The following EFCAB5 variants were observed in gnomAD, a reference collection of about 807,000 sequenced individuals.
EFCAB5 encodes the protein EF-hand calcium binding domain 5.
A neutral mutation model predicts 167.9 loss-of-function variants in EFCAB5; 131 were observed. The ratio of observed to expected loss-of-function variants is 0.78; its 90% confidence interval spans 0.68 to 0.90. EFCAB5 has a LOEUF of 0.90. Among genes scored for constraint, EFCAB5 ranks in the 40% least tolerant of loss-of-function variants. EFCAB5 has a pLI of 0.00. For missense variants in EFCAB5, 1,663 were observed against 1,745.2 expected, an observed-to-expected ratio of 0.95 and a Z score of 0.84; for synonymous variants, 574 against 602.8, an observed-to-expected ratio of 0.95 and a Z score of 0.70.
Position 30,053,927 on chromosome 17 carries a change from A to G in EFCAB5, c.1973A>G (p.Glu658Gly), listed in dbSNP as rs2070179920. The G allele has an allele frequency of 6.2e-7, 1 of 1,614,048 alleles. No individual in the cohort carries two copies. The highest frequency in any genetic ancestry group is 2.2e-5 in the East Asian group (1 of 44,890). Residue 658 changes from glutamate (E) to glycine (G), a missense_variant, in exon 10 of 23, where the codon GAG becomes GGG. By Grantham distance (98) the Glu-to-Gly change is moderately conservative. Transcript: ENST00000394835. ...AAATCAGAACAAGGACCTTATGGAG[A>G]GATAATTTCAGAAGAGCAAGAAGAC... ...YQKSEQGPYG[E>G]IISEEQEDIG...
intron 7 of EFCAB5, among the ~76,000 whole-genome samples, chr17:30,006,512 C>T (rs1037278702): frequency 6.6e-6 from 1 of 152,050 alleles, no homozygotes; most frequent in African/African-American, 2.4e-5. Context: ...GCTAGCAAAG[C>T]ATATCACTAT....
At chr17:30,064,703 C>T (rs2070514675) in intron 14 of EFCAB5, among the ~76,000 whole-genome samples, 1 of 152,124 alleles carries the variant, frequency 6.6e-6, no homozygotes, top group African/African-American at 2.4e-5. Context: ...TAAAATTCCT[C>T]TCCAAGGCAA....
At chr17:30,037,287 A>T (rs1158630044) in intron 8 of EFCAB5, among the ~76,000 whole-genome samples, 1 of 152,180 alleles carries the variant, frequency 6.6e-6, no homozygotes, top group Non-Finnish European at 1.5e-5. Flanking sequence ...GTGTGCAGAG[A>T]TGATGACTGT....
At chr17:30,035,805 A>G (rs1000863434) in intron 8 of EFCAB5, among the ~76,000 whole-genome samples, 1 of 152,024 alleles carries the variant, frequency 6.6e-6, no homozygotes, top group African/African-American at 2.4e-5. Flanking sequence ...CTTTGAAGAA[A>G]CAGCACGAAG....
chr17:29,949,510 A>G (rs946459455), intron 3 of EFCAB5, among the ~76,000 whole-genome samples: 1 of 152,238 alleles, frequency 6.6e-6, no homozygotes, highest in African/African-American at 2.4e-5. Context: ...GAGTCAGTAT[A>G]TAAATGAATT....
rs958127691 is a variant in EFCAB5, at chr17:30,065,589, A to C, written c.2737+5888A>C. ...CGTGGGAGAATTGCTTGAACCCTGG[A>C]GGTGGAGGTTGCAGTCAGCCGAGAT... On this transcript the variant is annotated intron_variant, in intron 14 of 22. Transcript: ENST00000394835. 2.6e-5 allele frequency: 4 copies of C among 152,148 alleles called. No homozygotes were observed. In the East Asian group the frequency reaches 7.7e-4, roughly 29 times the overall value. 9.4% of individuals were successfully genotyped at this position (152,148 alleles called of 1,614,324 possible).
rs1431545867 is a variant in EFCAB5, at chr17:30,079,686, T to A, written c.3028-386T>A. Among the ~76,000 whole-genome samples the A allele has an allele frequency of 2.6e-5, 4 of 152,142 alleles. No homozygotes were observed. The East Asian group carries it at 7.7e-4, about 29-fold the overall frequency. ...CGACGGTCAAGAAATATGAGTGAAGTGAAGGCAACTTCTTGGCCCAGCTCT... is the reference window on the plus strand; with the variant it reads ...CGACGGTCAAGAAATATGAGTGAAGAGAAGGCAACTTCTTGGCCCAGCTCT... On this transcript the variant is annotated intron_variant, in intron 15 of 22. Transcript: ENST00000394835.
chr17:30,048,155 G>T (rs963654694), intron 8 of EFCAB5, among the ~76,000 whole-genome samples: 1 of 152,090 alleles, frequency 6.6e-6, no homozygotes, highest in African/African-American at 2.4e-5. Flanking sequence ...TTATGTCATA[G>T]GTCCAATTAC....
In EFCAB5 at chr17:30,078,255, C is replaced by T. The variant is rs12600352; in HGVS notation, c.2778C>T (p.His926=). The change falls in exon 15 of 23, where the codon CAC becomes CAT. Residue 926 remains histidine (H), a synonymous_variant. Transcript: ENST00000394835. Reference sequence around the variant, plus strand: ...AATTTCCAAAGCCACACCCTGGTCACGAAGTGAGATTGTCTTCAAAACAAT... The same window carrying T: ...AATTTCCAAAGCCACACCCTGGTCATGAAGTGAGATTGTCTTCAAAACAAT... ...HIQFPKPHPG[H]EVRLSSKQFQ... 4.0e-3 allele frequency: 6,509 copies of T among 1,613,720 alleles called. 398 individuals carry two copies. In the East Asian group the frequency reaches 0.13, roughly 32 times the overall value.
At position 30,106,191 on chromosome 17, in the gene EFCAB5, G is replaced by A. The variant is rs182503512; in HGVS notation, c.4322-1643G>A. ...TGTAATCCCAGCACTTTAGGAGGCCGAGGTGGGAGGATTGCTTGAGGCCAG... is the reference window on the plus strand; with the variant it reads ...TGTAATCCCAGCACTTTAGGAGGCCAAGGTGGGAGGATTGCTTGAGGCCAG... On this transcript the variant is annotated intron_variant, in intron 22 of 22. Transcript: ENST00000394835. Among the ~76,000 whole-genome samples, 193 of 152,006 alleles carry A rather than the reference G, an allele frequency of 1.3e-3. 1 individual carries two copies. Among genetic ancestry groups the A allele is most frequent in the Admixed American group, 5.8e-3 (88 of 15,276 alleles).
chr17:30,009,937 T>A (rs1161098777), intron 7 of EFCAB5, among the ~76,000 whole-genome samples: 1 of 152,120 alleles, frequency 6.6e-6, no homozygotes, highest in East Asian at 1.9e-4. Flanking sequence ...CATTAGGTAT[T>A]TCTCCTAATG....
intron 22 of EFCAB5, among the ~76,000 whole-genome samples, chr17:30,096,673 A>ATTTTTTTTTTTT (rs1199862139): frequency 1.6e-5 from 1 of 63,520 alleles, no homozygotes; most frequent in African/African-American, 7.5e-5. Flanking sequence ...ATATATATAT[A>ATTTTTTTTTTTT]TATATTTTTT....
intron 3 of EFCAB5, among the ~76,000 whole-genome samples, chr17:29,961,134 T>C (rs2067713048): frequency 6.6e-6 from 1 of 152,230 alleles, no homozygotes; most frequent in Non-Finnish European, 1.5e-5. Flanking sequence ...TCTGTTTGTT[T>C]TTGTTTTCTT....
chr17:29,988,084 CTG>C (rs1443810805), intron 4 of EFCAB5, among the ~76,000 whole-genome samples: 1 of 152,174 alleles, frequency 6.6e-6, no homozygotes, highest in Non-Finnish European at 1.5e-5. Flanking sequence ...ATGCAAGTAT[CTG>C]TGTTTGAGAC....
At chr17:30,038,635 T>G (rs1242292820) in intron 8 of EFCAB5, among the ~76,000 whole-genome samples, 1 of 152,222 alleles carries the variant, frequency 6.6e-6, no homozygotes, top group Admixed American at 6.5e-5. Flanking sequence ...CCATAGATAG[T>G]GATTCCTTTG....
In EFCAB5 at chr17:29,969,344, T is replaced by C. The variant is rs762684571; in HGVS notation, c.744T>C (p.Tyr248=). 2.5e-6 allele frequency: 4 copies of C among 1,601,192 alleles called. No individual in the cohort carries two copies. The highest frequency in any genetic ancestry group is 2.3e-5 in the South Asian group (2 of 88,416). The part of the protein sequence containing the change: ...MKEVTEDLKI[Y]VPDTICNRVS... The stretch of plus-strand genomic sequence containing the variant: ...AAGTCACAGAAGACCTGAAGATATA[T>C]GTTCCTGACACTATCTGCAACAGGT... Residue 248 remains tyrosine, a synonymous_variant, in exon 4 of 23, where the codon TAT becomes TAC. Coordinates refer to ENST00000394835, the MANE Select transcript of EFCAB5 (RefSeq NM_198529.4).
intron 22 of EFCAB5, among the ~76,000 whole-genome samples, chr17:30,098,824 C>T (rs2071341304): frequency 6.6e-6 from 1 of 152,216 alleles, no homozygotes; most frequent in Non-Finnish European, 1.5e-5. Context: ...TCCTCTCCCT[C>T]TAGCTCCTGG....
intron 10 of EFCAB5, among the ~76,000 whole-genome samples, chr17:30,054,463 C>T (rs1022038700): frequency 6.6e-6 from 1 of 152,130 alleles, no homozygotes; most frequent in Non-Finnish European, 1.5e-5. Flanking sequence ...AATGTAATGT[C>T]TGATATTAGA....
At chr17:29,941,590 T>G (rs2067298051), upstream of EFCAB5, 2 of 456,610 alleles carry the variant, frequency 4.4e-6, no homozygotes. Flanking sequence ...GTAGCAACAG[T>G]CATAACAGTA....
Sources: gnomAD v4.1 joint callset for allele counts (sites outside exome capture counted in the v4.1 genomes callset) on GRCh38, gnomAD v4.1.1 for gene constraint, MANE v1.5 for transcripts, NCBI Gene and HGNC (gene_info 2026-07-23, HGNC 2026-07-21) for gene names.